Variants in CDYL2 observed in about 807,000 individuals in gnomAD.
CDYL2 encodes chromodomain Y-like protein 2.
A neutral mutation model predicts 49.4 loss-of-function variants in CDYL2; 23 were observed. The observed-to-expected ratio is 0.47, with a 90% CI of 0.34 to 0.66. The LOEUF (loss-of-function observed/expected upper bound fraction) is 0.66. CDYL2 is among the 30% of genes least tolerant of loss of function. CDYL2 has a pLI of 0.01. For missense variants in CDYL2, 678 were observed against 656.4 expected (o/e 1.03, Z -0.36); for synonymous variants, 360 against 268.8 (o/e 1.34, Z -3.32).
Position 80,612,056 on chromosome 16 carries a change from G to C in CDYL2, c.1218+570C>G, listed in dbSNP as rs76055877. Among the ~76,000 whole-genome samples the C allele has an allele frequency of 6.6e-6, 1 of 152,202 alleles. No individual in the cohort carries two copies. Among genetic ancestry groups the C allele is most frequent in the African/African-American group, 2.4e-5 (1 of 41,448 alleles). Reference sequence around the variant, plus strand: ...CCCTCTTCTTGCTGGACATGCGCTGGGCTGCGTCTCCCGGCCTCCCTTGCA... The same window carrying C: ...CCCTCTTCTTGCTGGACATGCGCTGCGCTGCGTCTCCCGGCCTCCCTTGCA... On this transcript the variant is annotated intron_variant, in intron 5 of 6. Coordinates refer to ENST00000570137, the MANE Select transcript of CDYL2 (RefSeq NM_152342.4). This position sits in a 1 kb window ranked among gnomAD's most constrained non-coding sequence, Gnocchi z 5.0.
chr16:80,620,960 G>C (rs1412212725), intron 3 of CDYL2, 25 bp from the exon 4 acceptor site: 1 of 1,569,446 alleles, frequency 6.4e-7, no homozygotes, highest in Admixed American at 1.8e-5. Context: ...GAATTTGCAG[G>C]GATGTTAAGT....
At chr16:80,760,546 G>A (rs1028888931) in intron 1 of CDYL2, among the ~76,000 whole-genome samples, 1 of 152,042 alleles carries the variant, frequency 6.6e-6, no homozygotes, top group Non-Finnish European at 1.5e-5. Context: ...CATTGTCCAT[G>A]ATGTAATGAT....
rs116573221 is a variant in CDYL2, at chr16:80,598,320, G to A, written c.*6068C>T. The stretch of plus-strand genomic sequence containing the variant: ...GATCAAATCCAAACACTCCTAGGGT[G>A]GGCTGGATAAGTTTTTGGTAGCCTG... On this transcript the variant is annotated 3_prime_UTR_variant, in exon 7 of 7. Transcript: ENST00000570137. 2 of 152,018 alleles carry A rather than the reference G, an allele frequency of 1.3e-5. No homozygotes were observed. The highest frequency in any genetic ancestry group is 4.8e-5 in the African/African-American group (2 of 41,460). 9.4% of individuals were successfully genotyped at this position (152,018 alleles called of 1,614,324 possible).
At chr16:80,803,487 G>C (rs527502757) in intron 1 of CDYL2, among the ~76,000 whole-genome samples, 1 of 151,642 alleles carries the variant, frequency 6.6e-6, no homozygotes, top group African/African-American at 2.4e-5. Context: ...CCCCACGCCC[G>C]AGCCCGGAGG....
At chr16:80,632,652 A>T in intron 3 of CDYL2, 1 of 264,058 alleles carries the variant, frequency 3.8e-6, no homozygotes, top group Non-Finnish European at 7.5e-6. Context: ...TAACTGAGTG[A>T]ATTATATCTG....
chr16:80,653,967 C>T (rs1265286861), intron 2 of CDYL2, among the ~76,000 whole-genome samples: 1 of 152,138 alleles, frequency 6.6e-6, no homozygotes. Flanking sequence ...CGAGTGTGAG[C>T]CATCTTCCTC....
intron 2 of CDYL2, among the ~76,000 whole-genome samples, chr16:80,635,746 G>A (rs1232218332): frequency 6.6e-6 from 1 of 152,262 alleles, no homozygotes; most frequent in South Asian, 2.1e-4. Flanking sequence ...AAAAGAGTCT[G>A]TATAGCCAAG....
chr16:80,647,869 A>G (rs1908419715), intron 2 of CDYL2, among the ~76,000 whole-genome samples: 1 of 152,194 alleles, frequency 6.6e-6, no homozygotes, highest in Admixed American at 6.5e-5. Flanking sequence ...AATCAATAAC[A>G]GGAATTTTAG....
intron 1 of CDYL2, among the ~76,000 whole-genome samples, chr16:80,772,025 T>C (rs1339943971): frequency 2.0e-5 from 3 of 152,134 alleles, no homozygotes; most frequent in Non-Finnish European, 4.4e-5. Context: ...ATGGAAAATA[T>C]TAACTTCACA....
At chr16:80,744,032 A>G (rs1225826705) in intron 1 of CDYL2, among the ~76,000 whole-genome samples, 3 of 133,982 alleles carry the variant, frequency 2.2e-5, no homozygotes, top group Non-Finnish European at 4.9e-5. Context: ...TCATTCATTC[A>G]TTTATTCACC....
intron 1 of CDYL2, among the ~76,000 whole-genome samples, chr16:80,799,602 T>G (rs1907866239): frequency 6.6e-6 from 1 of 152,130 alleles, no homozygotes; most frequent in South Asian, 2.1e-4. Context: ...TCTTTAATAA[T>G]CACCAGGCCT....
intron 2 of CDYL2, among the ~76,000 whole-genome samples, chr16:80,668,082 T>A (rs540690256): frequency 6.6e-6 from 1 of 152,362 alleles, no homozygotes; most frequent in East Asian, 1.9e-4. Flanking sequence ...CTAGCCAGGT[T>A]TGGCAGGAGC....
Position 80,725,185 on chromosome 16 carries a change from T to TACACATACACATACACAC in CDYL2, c.25-40074_25-40057dup, listed in dbSNP as rs1905125134. Among the ~76,000 whole-genome samples, 6 of 151,888 alleles carry TACACATACACATACACAC rather than the reference T, an allele frequency of 4.0e-5. No homozygotes were observed. In the South Asian group the frequency reaches 1.2e-3, roughly 32 times the overall value. On this transcript the variant is annotated intron_variant, in intron 1 of 6. Coordinates refer to ENST00000570137, the MANE Select transcript of CDYL2 (RefSeq NM_152342.4). ...CCTGTGCAACACATACACATACACA[T>TACACATACACATACACAC]ACACATACACATACACACACACATA...
intron 1 of CDYL2, among the ~76,000 whole-genome samples, chr16:80,753,421 C>A (rs1289051645): frequency 5.9e-5 from 9 of 152,010 alleles, no homozygotes; most frequent in Non-Finnish European, 2.9e-5. Context: ...CCAGCCTGAC[C>A]AACATGGAGA....
chr16:80,703,778 G>T (rs1904320801), intron 1 of CDYL2, among the ~76,000 whole-genome samples: 2 of 152,048 alleles, frequency 1.3e-5, no homozygotes, highest in South Asian at 2.1e-4. Flanking sequence ...CCTACTGCAG[G>T]GTCCTGCCCT....
chr16:80,645,972 C>A (rs1324343570), intron 2 of CDYL2, among the ~76,000 whole-genome samples: 1 of 114,286 alleles, frequency 8.7e-6, no homozygotes, highest in Non-Finnish European at 1.7e-5. Context: ...ACATCACACA[C>A]CGGGGCCTGT....
At chr16:80,796,740 A>G (rs1907778533) in intron 1 of CDYL2, among the ~76,000 whole-genome samples, 1 of 152,136 alleles carries the variant, frequency 6.6e-6, no homozygotes, top group Admixed American at 6.5e-5. Context: ...TGGATATCAC[A>G]TTCACTTTCT....
intron 1 of CDYL2, among the ~76,000 whole-genome samples, chr16:80,739,484 G>T (rs1040473635): frequency 1.3e-5 from 2 of 152,228 alleles, no homozygotes; most frequent in African/African-American, 4.8e-5. Context: ...AGAAATGTCA[G>T]TGGGAAGGAG....
chr16:80,737,028 C>G (rs1259891635), intron 1 of CDYL2, among the ~76,000 whole-genome samples: 1 of 152,188 alleles, frequency 6.6e-6, no homozygotes, highest in Non-Finnish European at 1.5e-5. Context: ...GGGAGAAGGG[C>G]TCCTGTGGAA....
Sources: gnomAD v4.1 joint callset for allele counts (sites outside exome capture counted in the v4.1 genomes callset) on GRCh38, gnomAD v4.1.1 for gene constraint, Gnocchi (gnomAD v3.1) non-coding constraint, MANE v1.5 for transcripts, NCBI Gene and HGNC (gene_info 2026-07-23, HGNC 2026-07-21) for gene names.